TENM3: variants seen among roughly 807,000 people sequenced by gnomAD.
The protein encoded by TENM3 is teneurin transmembrane protein 3.
A neutral mutation model predicts 255.1 loss-of-function variants in TENM3; 63 were observed. The ratio of observed to expected loss-of-function variants is 0.25; its 90% CI spans 0.20 to 0.30. The LOEUF (loss-of-function observed/expected upper bound fraction) is 0.30, where lower values mean the gene tolerates loss of function less well. Among genes scored for constraint, TENM3 ranks in the 10% least tolerant of loss-of-function variants. TENM3 has a pLI of 1.00. For missense variants in TENM3, 2,929 were observed against 3,461.1 expected (o/e 0.85, Z 3.86); for synonymous variants, 1,306 against 1,322.3 (o/e 0.99, Z 0.27).
chr4:181,636,767 G>A, the TENM3 span, among the ~76,000 whole-genome samples: 39 of 152,170 alleles, frequency 2.6e-4, no homozygotes, highest in Admixed American at 9.2e-4. Context: ...TATCCTCAAC[G>A]CAGCGACCAA....
chr4:181,562,959 GC>G, the TENM3 span, among the ~76,000 whole-genome samples: 4 of 152,200 alleles, frequency 2.6e-5, no homozygotes, highest in East Asian at 5.8e-4. Context: ...ACAGGAGTGA[GC>G]CACCGTGCCG....
At chr4:181,944,225 G>A in the TENM3 span, among the ~76,000 whole-genome samples, 1 of 152,144 alleles carries the variant, frequency 6.6e-6, no homozygotes, top group Non-Finnish European at 1.5e-5. Context: ...AAAGCTGGTG[G>A]TGCAATCCCG....
intron 3 of TENM3, among the ~76,000 whole-genome samples, chr4:182,409,350 A>T (rs941242157): frequency 3.3e-4 from 50 of 152,340 alleles, no homozygotes; most frequent in Middle Eastern, 3.4e-3. Context: ...TCTATTAGAA[A>T]ATGTAGTTCC....
the TENM3 span, among the ~76,000 whole-genome samples, chr4:181,860,950 G>A: frequency 2.9e-4 from 44 of 152,186 alleles, no homozygotes; most frequent in East Asian, 8.5e-3. Flanking sequence ...TATCGCTCCA[G>A]CATTTTTATA....
intron 1 of TENM3, among the ~76,000 whole-genome samples, chr4:182,256,638 A>AAGT (rs1020526477): frequency 6.6e-6 from 1 of 152,144 alleles, no homozygotes; most frequent in Admixed American, 6.5e-5. Flanking sequence ...TTATCTTGTA[A>AAGT]AGTAGCCTTA....
chr4:182,548,375 C>T (rs1402496464), intron 3 of TENM3, among the ~76,000 whole-genome samples: 1 of 152,086 alleles, frequency 6.6e-6, no homozygotes, highest in Non-Finnish European at 1.5e-5. Flanking sequence ...ACAGTAAACA[C>T]ACGGTTTTAG....
At chr4:182,305,047 A>C (rs146045432) in intron 1 of TENM3, among the ~76,000 whole-genome samples, 1 of 151,958 alleles carries the variant, frequency 6.6e-6, no homozygotes, top group East Asian at 1.9e-4. Flanking sequence ...GGTAAGGTCT[A>C]ATTTCCAGAA....
intron 1 of TENM3, among the ~76,000 whole-genome samples, chr4:182,279,735 G>A (rs1760249394): frequency 2.6e-5 from 4 of 152,104 alleles, no homozygotes; most frequent in Admixed American, 2.6e-4. Flanking sequence ...GCCCATAGTG[G>A]ATCGCAGAAT....
intron 3 of TENM3, among the ~76,000 whole-genome samples, chr4:182,379,795 C>T (rs1222745463): frequency 2.0e-5 from 3 of 152,160 alleles, no homozygotes; most frequent in Non-Finnish European, 4.4e-5. Context: ...GGGCCTTAGA[C>T]AGTTTTCTGC....
chr4:182,096,186 A>G, the TENM3 span, among the ~76,000 whole-genome samples: 1 of 152,136 alleles, frequency 6.6e-6, no homozygotes, highest in Admixed American at 6.5e-5. Flanking sequence ...AATATCAAAG[A>G]AGCTATCAAT....
the TENM3 span, among the ~76,000 whole-genome samples, chr4:181,493,452 C>T: frequency 6.6e-6 from 1 of 152,030 alleles, no homozygotes; most frequent in African/African-American, 2.4e-5. Flanking sequence ...GAGGTACGAC[C>T]AGGCGTGGTG....
At chr4:182,634,776 G>C (rs1233379326) in intron 5 of TENM3, among the ~76,000 whole-genome samples, 3 of 150,856 alleles carry the variant, frequency 2.0e-5, no homozygotes, top group Non-Finnish European at 2.9e-5. Flanking sequence ...GCAAAAAGGA[G>C]AAGAGTCCAT....
the TENM3 span, among the ~76,000 whole-genome samples, chr4:181,817,412 G>A: frequency 6.6e-6 from 1 of 152,122 alleles, no homozygotes; most frequent in Non-Finnish European, 1.5e-5. Flanking sequence ...TGTCCCTTGG[G>A]GAGATGAACC....
At chr4:181,767,490 T>C in the TENM3 span, among the ~76,000 whole-genome samples, 18 of 152,160 alleles carry the variant, frequency 1.2e-4, no homozygotes, top group South Asian at 3.5e-3. Context: ...ATAAATACAT[T>C]ATAATTTCCG....
the TENM3 span, among the ~76,000 whole-genome samples, chr4:181,565,664 C>T: frequency 1.1e-4 from 17 of 152,216 alleles, no homozygotes; most frequent in East Asian, 2.9e-3. Context: ...ACTAGGTGTA[C>T]ACTTTATATA....
chr4:182,684,360 C>T (rs145090367), intron 11 of TENM3, among the ~76,000 whole-genome samples: 3,347 of 138,874 alleles, frequency 0.024, 64 homozygotes, highest in Non-Finnish European at 0.038. Context: ...CTTCTCTAAG[C>T]CTGTTTAACA....
At chr4:182,616,186 C>A (rs1184019566) in intron 4 of TENM3, among the ~76,000 whole-genome samples, 1 of 152,172 alleles carries the variant, frequency 6.6e-6, no homozygotes, top group Non-Finnish European at 1.5e-5. Flanking sequence ...CTACCAAAAC[C>A]GGCGCTTCCT....
chr4:181,579,933 A>AATTTTATTTTATTTTATTTTATTTT, the TENM3 span, among the ~76,000 whole-genome samples: 1 of 126,530 alleles, frequency 7.9e-6, no homozygotes, highest in Admixed American at 8.3e-5. Context: ...AAGTACCTAC[A>AATTTTATTTTATTTTATTTTATTTT]ATTTTATTTT....
the TENM3 span, among the ~76,000 whole-genome samples, chr4:181,760,853 G>T: frequency 6.6e-6 from 1 of 151,680 alleles, no homozygotes; most frequent in African/African-American, 2.4e-5. Context: ...GAATCATATG[G>T]TTGATGATTA....
Sources: gnomAD v4.1 joint callset for allele counts (sites outside exome capture counted in the v4.1 genomes callset) on GRCh38, gnomAD v4.1.1 for gene constraint, MANE v1.5 for transcripts, NCBI Gene and HGNC (gene_info 2026-07-23, HGNC 2026-07-21) for gene names.